PLAAT1: variants seen among roughly 807,000 people sequenced by gnomAD.
The protein encoded by PLAAT1 is phospholipase A and acyltransferase 1, also known as H-REV107 protein-related protein.
PLAAT1 carries 13 observed loss-of-function variants against 16.4 expected under a neutral mutation model. That is an observed-to-expected ratio of 0.79 (90% CI 0.52 to 1.26). PLAAT1 has a LOEUF of 1.26. Among genes scored for constraint, PLAAT1 ranks in the 50% most tolerant of loss-of-function variants. PLAAT1 has a pLI of 0.00. For missense variants in PLAAT1, 218 were observed against 207.8 expected (o/e 1.05, Z -0.30); for synonymous variants, 73 against 78.4 (o/e 0.93, Z 0.36).
intron 1 of PLAAT1, among the ~76,000 whole-genome samples, chr3:193,254,916 G>A (rs1269499560): frequency 2.6e-5 from 4 of 152,168 alleles, no homozygotes; most frequent in African/African-American, 4.8e-5. Flanking sequence ...AATGTTCCAT[G>A]TCCTACATTA....
At position 193,251,033 on chromosome 3, in the gene PLAAT1, C is replaced by G. The variant is rs1346290969; in HGVS notation, c.1-4618C>G. Among the ~76,000 whole-genome samples the G allele has an allele frequency of 2.8e-5, 4 of 143,504 alleles. No individual in the cohort carries two copies. In the South Asian group the frequency reaches 6.8e-4, roughly 24 times the overall value. The allele number at this position is 143,504 out of a possible 152,430, so 94.1% of individuals were successfully genotyped here. ...AAAGAAGTGCAGTGAGTGCCTATCT[C>G]CTGTTCAAGCAAGAAGTCTCAGATC... On this transcript the variant is annotated intron_variant, in intron 1 of 3. Transcript: ENST00000264735.
intron 1 of PLAAT1, among the ~76,000 whole-genome samples, chr3:193,244,109 A>G (rs1195733958): frequency 6.6e-6 from 1 of 151,824 alleles, no homozygotes; most frequent in Non-Finnish European, 1.5e-5. Flanking sequence ...ACAGTTTTTT[A>G]TTTTTTAATT....
At chr3:193,268,993 C>T (rs1230798629) in intron 3 of PLAAT1, among the ~76,000 whole-genome samples, 1 of 152,020 alleles carries the variant, frequency 6.6e-6, no homozygotes, top group African/African-American at 2.4e-5. Flanking sequence ...ATTGACTACC[C>T]CATTTCTCTC....
intron 1 of PLAAT1, among the ~76,000 whole-genome samples, chr3:193,252,586 T>A (rs1716230762): frequency 6.6e-6 from 1 of 152,190 alleles, no homozygotes; most frequent in Admixed American, 6.5e-5. Context: ...TTTTTCCTGG[T>A]AAGGATCATA....
At chr3:193,279,240 A>G, downstream of PLAAT1, 5 of 701,120 alleles carry the variant, frequency 7.1e-6, no homozygotes, top group South Asian at 5.8e-5. Flanking sequence ...CCCTTCTAGT[A>G]TATAGAAATA....
chr3:193,274,630 T>C (rs1179482980), downstream of PLAAT1, among the ~76,000 whole-genome samples: 1 of 152,216 alleles, frequency 6.6e-6, no homozygotes, highest in Non-Finnish European at 1.5e-5. Context: ...AAAAGATATA[T>C]ATGTAAATGT....
At chr3:193,241,015 G>C (rs1335179369), upstream of PLAAT1, 2 of 381,536 alleles carry the variant, frequency 5.2e-6, no homozygotes, top group Non-Finnish European at 9.0e-6. Flanking sequence ...AGCCGGGGGC[G>C]GAATAACTGG....
intron 2 of PLAAT1, among the ~76,000 whole-genome samples, chr3:193,256,561 C>T (rs958602084): frequency 2.0e-5 from 3 of 152,170 alleles, no homozygotes; most frequent in African/African-American, 7.2e-5. Flanking sequence ...TTTCAACTTT[C>T]TGGCCTAGGA....
rs367575948 is a variant in PLAAT1 at position 193,255,723 on chromosome 3, C to T, written c.73C>T (p.Arg25Cys). 1.4e-4 allele frequency: 230 copies of T among 1,613,256 alleles called. No individual in the cohort carries two copies. In the South Asian group the frequency reaches 1.6e-3, roughly 11 times the overall value. The change falls in exon 2 of 4, where the codon CGT (arginine) becomes TGT (cysteine). Residue 25 changes from arginine (R) to cysteine (C), a missense_variant. Arg to Cys is a radical substitution (Grantham distance 180, BLOSUM62 -3). Transcript: ENST00000264735. ...PCPGDLIEVFRPGYQHWALYL... is the reference protein window; with the variant it reads ...PCPGDLIEVFCPGYQHWALYL... The stretch of plus-strand genomic sequence containing the variant: ...CCCAGGGGACTTGATCGAAGTGTTC[C>T]GTCCTGGCTATCAGCACTGGGCCCT...
chr3:193,281,164 G>T, downstream of PLAAT1: 1 of 985,170 alleles, frequency 1.0e-6, no homozygotes, highest in African/African-American at 1.7e-5. Context: ...TCAGGAAATA[G>T]CTGTGTGGAT....
At chr3:193,272,003 C>G (rs1716998425), downstream of PLAAT1, among the ~76,000 whole-genome samples, 1 of 152,006 alleles carries the variant, frequency 6.6e-6, no homozygotes, top group South Asian at 2.1e-4. Context: ...CTCCAGTAAC[C>G]CTCAAAGACT....
At chr3:193,256,665 A>C (rs1317980245) in intron 2 of PLAAT1, among the ~76,000 whole-genome samples, 2 of 152,202 alleles carry the variant, frequency 1.3e-5, no homozygotes, top group Non-Finnish European at 2.9e-5. Context: ...AGTGAAATGA[A>C]CATAAAGGTA....
intron 2 of PLAAT1, among the ~76,000 whole-genome samples, chr3:193,258,436 A>G (rs1005025349): frequency 6.6e-6 from 1 of 151,912 alleles, no homozygotes; most frequent in Admixed American, 6.6e-5. Context: ...AAATGGAGAT[A>G]CAAAAATCCA....
intron 1 of PLAAT1, among the ~76,000 whole-genome samples, chr3:193,242,007 C>T (rs961628237): frequency 6.6e-6 from 1 of 152,162 alleles, no homozygotes; most frequent in African/African-American, 2.4e-5. Flanking sequence ...AGGTATAGAG[C>T]AAGCTTGTCC....
intron 3 of PLAAT1, 139 bp downstream of exon 3, chr3:193,263,374 C>A: frequency 1.3e-6 from 1 of 794,008 alleles, no homozygotes; most frequent in Non-Finnish European, 2.0e-6. Context: ...CTTGAGTTGT[C>A]CAAGGTCCTG....
intron 2 of PLAAT1, among the ~76,000 whole-genome samples, chr3:193,262,356 TTTC>T (rs771333575): frequency 0.019 from 1,199 of 62,842 alleles, 26 homozygotes; most frequent in Non-Finnish European, 0.025. Flanking sequence ...TTTTTTTTTT[TTTC>T]TGGCCAAAGG....
At chr3:193,279,196 G>A (rs992507747), downstream of PLAAT1, among the ~76,000 whole-genome samples, 7 of 152,154 alleles carry the variant, frequency 4.6e-5, no homozygotes, top group African/African-American at 1.7e-4. Flanking sequence ...AACCATTAGA[G>A]GCCAGTATAG....
chr3:193,256,724 C>G (rs114092100), intron 2 of PLAAT1, among the ~76,000 whole-genome samples: 1 of 152,052 alleles, frequency 6.6e-6, no homozygotes, highest in Non-Finnish European at 1.5e-5. Flanking sequence ...TAAAAGGGTT[C>G]GTATCCTCTG....
chr3:193,278,151 T>C (rs923429894), downstream of PLAAT1, among the ~76,000 whole-genome samples: 1 of 152,202 alleles, frequency 6.6e-6, no homozygotes, highest in African/African-American at 2.4e-5. Context: ...GCTTCTAAAC[T>C]ACTTGAGAGC....
Sources: allele counts gnomAD v4.1 joint callset (sites outside exome capture counted in the v4.1 genomes callset), GRCh38; gene constraint gnomAD v4.1.1; transcripts MANE v1.5; gene names NCBI Gene and HGNC (gene_info 2026-07-23, HGNC 2026-07-21).